Variants in PRKAR1A observed in about 807,000 individuals in gnomAD.
The protein encoded by PRKAR1A is cAMP-dependent protein kinase type I-alpha regulatory subunit.
Under a neutral mutation model 52.0 loss-of-function variants are expected in PRKAR1A, and 3 were observed. That is an observed-to-expected ratio of 0.06 (90% confidence interval 0.03 to 0.15). The LOEUF is 0.15. PRKAR1A is among the 10% of genes least tolerant of loss of function. PRKAR1A has a pLI of 1.00. For synonymous variants in PRKAR1A, 188 were observed against 168.4 expected (o/e 1.12, Z -0.90); for missense variants, 240 against 477.4 (o/e 0.50, Z 4.63).
intron 9 of PRKAR1A, 138 bp from the exon 10 acceptor site, chr17:68,529,782 A>C: frequency 2.4e-6 from 2 of 831,846 alleles, no homozygotes; most frequent in South Asian, 2.8e-5. Context: ...ATTGAAGCTC[A>C]TGTGGTGACT....
chr17:68,490,873 T>A, the PRKAR1A span, among the ~76,000 whole-genome samples: 1 of 151,444 alleles, frequency 6.6e-6, no homozygotes, highest in Non-Finnish European at 1.5e-5. Context: ...GAGTGAAGAG[T>A]GGGTCCCATG....
At chr17:68,421,626 C>G in the PRKAR1A span, 1 of 1,129,112 alleles carries the variant, frequency 8.9e-7, no homozygotes, top group South Asian at 1.3e-5. Flanking sequence ...GAGGAGTTAA[C>G]CAGGTCCTGT....
intron 11 of PRKAR1A, chr17:68,540,960 T>A: frequency 6.3e-7 from 1 of 1,580,930 alleles, no homozygotes; most frequent in Non-Finnish European, 8.6e-7. Context: ...ACCTCCCACC[T>A]GAGGGGGAGA....
At chr17:68,486,521 CTTT>C in the PRKAR1A span, among the ~76,000 whole-genome samples, 42 of 96,998 alleles carry the variant, frequency 4.3e-4, no homozygotes, top group Admixed American at 2.4e-3. Flanking sequence ...TTCTTTCTTT[CTTT>C]CTTTCTTTCT....
chr17:68,538,883 A>G (rs1404732758), intron 11 of PRKAR1A, among the ~76,000 whole-genome samples: 3 of 152,232 alleles, frequency 2.0e-5, no homozygotes, highest in Non-Finnish European at 4.4e-5. Flanking sequence ...TAGTACAGTC[A>G]TGAATCGCTT....
intron 2 of PRKAR1A, among the ~76,000 whole-genome samples, chr17:68,521,396 AT>A (rs1160254190): frequency 6.6e-6 from 1 of 151,950 alleles, no homozygotes; most frequent in African/African-American, 2.4e-5. Flanking sequence ...CGCCCAACTA[AT>A]TTTTATGTGT....
chr17:68,537,696 A>G (rs2143441952), downstream of PRKAR1A: 1 of 1,613,672 alleles, frequency 6.2e-7, no homozygotes, highest in Non-Finnish European at 8.5e-7. This position sits in a 1 kb window ranked among gnomAD's most constrained non-coding sequence, Gnocchi z 4.2. Context: ...GTCTGTAGTC[A>G]GCTTGGGCCA....
At position 68,525,846 on chromosome 17, in the gene PRKAR1A, T is replaced by C. The variant is rs1373443555; in HGVS notation, c.642T>C (p.Thr214=). 1 of 1,613,852 alleles carries C rather than the reference T, an allele frequency of 6.2e-7. No individual in the cohort carries two copies. Among genetic ancestry groups the C allele is most frequent in the South Asian group, 1.1e-5 (1 of 91,056 alleles). ...ALIYGTPRAA[T]VKAKTNVKLW... is the part of the protein sequence containing the mutation. The stretch of plus-strand genomic sequence containing the variant: ...TTTATGGAACACCGAGAGCAGCCAC[T>C]GTCAAAGCAAAGACAAATGTGAAAT... Residue 214 remains threonine, a synonymous_variant, in exon 7 of 11, where the codon ACT becomes ACC. Transcript: ENST00000589228.
chr17:68,436,622 G>A, the PRKAR1A span: 6 of 689,526 alleles, frequency 8.7e-6, no homozygotes, highest in African/African-American at 1.1e-4. Context: ...GCTTTCCGCT[G>A]ATGATTCTTC....
the PRKAR1A span, among the ~76,000 whole-genome samples, chr17:68,434,940 G>A: frequency 1.3e-5 from 2 of 152,120 alleles, no homozygotes; most frequent in East Asian, 1.9e-4. Context: ...GGTGGCTCAC[G>A]CCTGTAATCC....
chr17:68,473,993 T>C, the PRKAR1A span, among the ~76,000 whole-genome samples: 20,132 of 151,450 alleles, frequency 0.13, 1,401 homozygotes, highest in Middle Eastern at 0.19. Flanking sequence ...TTTAAACATG[T>C]GCATGTATTC....
chr17:68,499,107 C>T, the PRKAR1A span, among the ~76,000 whole-genome samples: 1 of 152,192 alleles, frequency 6.6e-6, no homozygotes. Context: ...GTTCCAGGCA[C>T]AGAAGATCTC....
the PRKAR1A span, among the ~76,000 whole-genome samples, chr17:68,476,776 C>T: frequency 3.3e-5 from 5 of 152,040 alleles, no homozygotes; most frequent in African/African-American, 1.2e-4. Flanking sequence ...GATTCTCCTG[C>T]CTCAGCCTCC....
the PRKAR1A span, among the ~76,000 whole-genome samples, chr17:68,464,354 A>G: frequency 3.3e-5 from 5 of 152,160 alleles, no homozygotes; most frequent in Admixed American, 2.0e-4. Flanking sequence ...AACCTGGCAA[A>G]AAGCCCTTTC....
intron 1 of PRKAR1A, chr17:68,512,752 GGGCGTTGGCTTTGGT>G (rs2085299907): frequency 6.6e-6 from 1 of 152,076 alleles, no homozygotes; most frequent in Admixed American, 6.6e-5. Context: ...AAGGCCGTCT[GGGCGTTGGCTTTGGT>G]GCGGGGCTCC....
chr17:68,485,563 A>T, the PRKAR1A span, among the ~76,000 whole-genome samples: 1 of 152,160 alleles, frequency 6.6e-6, no homozygotes, highest in Non-Finnish European at 1.5e-5. Context: ...TAAAATGATG[A>T]TAATGCCCGC....
At chr17:68,454,340 C>T in the PRKAR1A span, among the ~76,000 whole-genome samples, 1 of 152,338 alleles carries the variant, frequency 6.6e-6, no homozygotes, top group Non-Finnish European at 1.5e-5. Context: ...AAGCAACTTA[C>T]TATTACAAGC....
At chr17:68,420,126 C>A in the PRKAR1A span, 1 of 1,567,342 alleles carries the variant, frequency 6.4e-7, no homozygotes. Flanking sequence ...TCGCAGCTCT[C>A]GTCTTTACAA....
At chr17:68,474,937 T>A in the PRKAR1A span, among the ~76,000 whole-genome samples, 1 of 152,190 alleles carries the variant, frequency 6.6e-6, no homozygotes, top group Admixed American at 6.5e-5. Flanking sequence ...TCCTATTTGC[T>A]AACTTAAGTA....
Sources: gnomAD v4.1 joint callset for allele counts (sites outside exome capture counted in the v4.1 genomes callset) on GRCh38, gnomAD v4.1.1 for gene constraint, Gnocchi (gnomAD v3.1) non-coding constraint, MANE v1.5 for transcripts, NCBI Gene and HGNC (gene_info 2026-07-23, HGNC 2026-07-21) for gene names.